ERAP1: variants seen among roughly 807,000 people sequenced by gnomAD.
ERAP1 encodes endoplasmic reticulum aminopeptidase 1.
Under a neutral mutation model 103.7 loss-of-function variants are expected in ERAP1, and 86 were observed. The observed-to-expected ratio is 0.83, with a 90% CI of 0.70 to 0.99. The LOEUF (loss-of-function observed/expected upper bound fraction) is 0.99, where lower values mean the gene tolerates loss of function less well. Among genes scored for constraint, ERAP1 ranks in the 50% least tolerant of loss-of-function variants. The pLI is 0.00. For synonymous variants in ERAP1, 398 were observed against 402.4 expected, an observed-to-expected ratio of 0.99 and a Z score of 0.13; for missense variants, 1,009 against 1,128.4, an observed-to-expected ratio of 0.89 and a Z score of 1.52.
At chr5:96,848,969 C>T in the ERAP1 span, 2 of 152,138 alleles carry the variant, frequency 1.3e-5, no homozygotes, top group South Asian at 4.1e-4. Flanking sequence ...AAGAGTGGTT[C>T]AACATATGCA....
chr5:96,930,707 G>A, the ERAP1 span, among the ~76,000 whole-genome samples: 1,004 of 152,308 alleles, frequency 6.6e-3, 9 homozygotes, highest in African/African-American at 0.022. Flanking sequence ...AACAAGGAAG[G>A]TGATCTTAAA....
intron 1 of ERAP1, among the ~76,000 whole-genome samples, chr5:96,807,387 G>C (rs1012536690): frequency 2.0e-5 from 3 of 152,186 alleles, no homozygotes; most frequent in African/African-American, 7.2e-5. Flanking sequence ...ATGGGCAGGT[G>C]CCCTCCTCAG....
chr5:96,812,552 G>T (rs1233840727), upstream of ERAP1, among the ~76,000 whole-genome samples: 3 of 152,158 alleles, frequency 2.0e-5, no homozygotes, highest in East Asian at 5.8e-4. Flanking sequence ...AAAATATGTA[G>T]ATTTGTTTAT....
chr5:96,848,016 T>A, the ERAP1 span, among the ~76,000 whole-genome samples: 2 of 149,214 alleles, frequency 1.3e-5, no homozygotes, highest in Admixed American at 6.7e-5. Context: ...AAAAAAAAAA[T>A]CAGCAAAACC....
the ERAP1 span, among the ~76,000 whole-genome samples, chr5:96,854,969 C>A: frequency 6.6e-6 from 1 of 151,750 alleles, no homozygotes; most frequent in African/African-American, 2.4e-5. Flanking sequence ...GAAAATCTAG[C>A]AGTTTTTCAA....
the ERAP1 span, among the ~76,000 whole-genome samples, chr5:96,878,621 T>A: frequency 6.6e-6 from 1 of 151,614 alleles, no homozygotes; most frequent in South Asian, 2.1e-4. Flanking sequence ...TGGTGACACA[T>A]TGTCTTTCAA....
the ERAP1 span, among the ~76,000 whole-genome samples, chr5:96,888,510 A>C: frequency 6.6e-6 from 1 of 152,260 alleles, no homozygotes; most frequent in Admixed American, 6.5e-5. Flanking sequence ...AGCATTCAGC[A>C]CAGTGCCTGG....
the ERAP1 span, among the ~76,000 whole-genome samples, chr5:96,829,691 C>T: frequency 3.9e-5 from 6 of 152,094 alleles, no homozygotes; most frequent in African/African-American, 9.7e-5. Flanking sequence ...AACTGCCTTC[C>T]GAATTAGTGA....
the ERAP1 span, chr5:96,873,435 A>G: frequency 2.2e-6 from 1 of 454,354 alleles, no homozygotes; most frequent in Non-Finnish European, 4.4e-6. Flanking sequence ...CAGTAGACCT[A>G]CTAAACAAAT....
At chr5:96,783,818 TACACACACAC>T (rs3076640) in intron 14 of ERAP1, 96 bp downstream of exon 14, 145 of 803,544 alleles carry the variant, frequency 1.8e-4, no homozygotes, top group African/African-American at 1.3e-3. Context: ...TATATAAAGA[TACACACACAC>T]ACACACACAC....
At chr5:96,846,603 AT>A in the ERAP1 span, among the ~76,000 whole-genome samples, 1 of 152,132 alleles carries the variant, frequency 6.6e-6, no homozygotes, top group African/African-American at 2.4e-5. Flanking sequence ...GAGATAGGGC[AT>A]GAGTTCCTGC....
At chr5:96,887,149 A>G in the ERAP1 span, among the ~76,000 whole-genome samples, 1 of 150,128 alleles carries the variant, frequency 6.7e-6, no homozygotes, top group African/African-American at 2.4e-5. Flanking sequence ...CCTTTGCAAA[A>G]TAATATATTG....
the ERAP1 span, among the ~76,000 whole-genome samples, chr5:96,834,517 T>C: frequency 6.6e-6 from 1 of 152,224 alleles, no homozygotes; most frequent in Non-Finnish European, 1.5e-5. Flanking sequence ...AGTTGTGATA[T>C]GGTAAGTGGA....
chr5:96,801,868 A>AAG (rs1778043784), intron 2 of ERAP1, among the ~76,000 whole-genome samples: 1 of 150,846 alleles, frequency 6.6e-6, no homozygotes, highest in South Asian at 2.1e-4. Flanking sequence ...AAAAAAAAAA[A>AAG]AAAAAAAAAA....
At chr5:96,926,398 G>T in the ERAP1 span, among the ~76,000 whole-genome samples, 3 of 152,028 alleles carry the variant, frequency 2.0e-5, no homozygotes, top group Non-Finnish European at 4.4e-5. Context: ...CTAGCAAAAC[G>T]ATCAATTTCA....
chr5:96,850,884 C>A, the ERAP1 span, among the ~76,000 whole-genome samples: 2 of 152,210 alleles, frequency 1.3e-5, no homozygotes, highest in Non-Finnish European at 2.9e-5. Flanking sequence ...ATCTAGGCCA[C>A]TGCTTTCACA....
chr5:96,931,133 C>T, the ERAP1 span, among the ~76,000 whole-genome samples: 2 of 151,904 alleles, frequency 1.3e-5, no homozygotes, highest in Non-Finnish European at 2.9e-5. Flanking sequence ...CCTTGGTCAT[C>T]TCCTAAGGCC....
At chr5:96,898,889 C>T in the ERAP1 span, among the ~76,000 whole-genome samples, 3 of 152,194 alleles carry the variant, frequency 2.0e-5, no homozygotes, top group Non-Finnish European at 2.9e-5. Context: ...TTCTGTCTCT[C>T]ATCCCTCTCC....
chr5:96,869,165 G>A, the ERAP1 span, among the ~76,000 whole-genome samples: 2 of 151,384 alleles, frequency 1.3e-5, no homozygotes, highest in African/African-American at 2.4e-5. Context: ...GCATAGCTAG[G>A]GTTACACAGA....
Sources: allele counts gnomAD v4.1 joint callset (sites outside exome capture counted in the v4.1 genomes callset), GRCh38; gene constraint gnomAD v4.1.1; transcripts MANE v1.5; gene names NCBI Gene and HGNC (gene_info 2026-07-23, HGNC 2026-07-21).